DEAF1: variants seen among roughly 807,000 people sequenced by gnomAD.
DEAF1 encodes deformed epidermal autoregulatory factor 1 homolog.
Under a neutral mutation model 58.9 loss-of-function variants are expected in DEAF1, and 53 were observed. The ratio of observed to expected loss-of-function variants is 0.90; its 90% CI spans 0.72 to 1.13. The LOEUF (loss-of-function observed/expected upper bound fraction) is 1.13, where lower values mean the gene tolerates loss of function less well. Among genes scored for constraint, DEAF1 ranks in the 50% most tolerant of loss-of-function variants. DEAF1 has a pLI of 0.00. For synonymous variants in DEAF1, 385 were observed against 340.4 expected (o/e 1.13, Z -1.44); for missense variants, 685 against 791.4 (o/e 0.87, Z 1.61).
intron 6 of DEAF1, among the ~76,000 whole-genome samples, chr11:683,331 C>G (rs1860452881): frequency 6.6e-6 from 1 of 152,088 alleles, no homozygotes; most frequent in African/African-American, 2.4e-5. Context: ...ATCGATGACC[C>G]ATTTTGAATT....
Position 688,519 on chromosome 11 carries a change from G to A in DEAF1, c.388-59C>T. The A allele has an allele frequency of 6.2e-7, 1 of 1,608,016 alleles. No individual in the cohort carries two copies. The highest frequency in any genetic ancestry group is 8.5e-7 in the Non-Finnish European group (1 of 1,178,156). On this transcript the variant is annotated intron_variant, in intron 2 of 11. Transcript: ENST00000382409. This position sits in a 1 kb window ranked among gnomAD's most constrained non-coding sequence, Gnocchi z 4.3. Reference sequence around the variant, plus strand: ...CGAGAGTGACACCAGGCGTGTCACTGAGCCCAGCTGGGCCGTCCTCCAGCA... The same window carrying A: ...CGAGAGTGACACCAGGCGTGTCACTAAGCCCAGCTGGGCCGTCCTCCAGCA...
chr11:701,105 A>G, intron 1 of DEAF1: 1 of 234,404 alleles, frequency 4.3e-6, no homozygotes, highest in South Asian at 5.9e-5. Flanking sequence ...CCCAAAAGGC[A>G]GCAGAGTCTG....
chr11:669,225 TA>T (rs1859698143), intron 10 of DEAF1, among the ~76,000 whole-genome samples: 1 of 151,440 alleles, frequency 6.6e-6, no homozygotes, highest in African/African-American at 2.4e-5. Context: ...GTGCTGGGAT[TA>T]CAGGTGTGAG....
In DEAF1 at chr11:678,722, A is replaced by G; in HGVS notation, c.1227T>C (p.Ala409=). ...TTTTGGGATGTGACGTTGGCAACGC[A>G]GCTTCTGGAAACGGTGCGATCTGGC... ...DSCQIAPFPE[A]ALPTSHPKIV... The change falls in exon 9 of 12, where the codon GCT becomes GCC. Residue 409 remains alanine, a synonymous_variant. Coordinates refer to ENST00000382409, the MANE Select transcript of DEAF1 (RefSeq NM_021008.4). 1 of 1,614,224 alleles carries G rather than the reference A, an allele frequency of 6.2e-7. No individual in the cohort carries two copies. Among genetic ancestry groups the G allele is most frequent in the Admixed American group, 1.7e-5 (1 of 60,030 alleles).
At position 687,995 on chromosome 11, in the gene DEAF1, A is replaced by G; in HGVS notation, c.580T>C (p.Trp194Arg). 2 of 1,614,082 alleles carry G rather than the reference A, an allele frequency of 1.2e-6. No individual in the cohort carries two copies. Among genetic ancestry groups the G allele is most frequent in the Non-Finnish European group, 1.7e-6 (2 of 1,180,024 alleles). ...TCACTGTCGTACACAGAAGGGTCCCAGTTGTATTTAGTTCCACCTTTTTCT... is the reference window on the plus strand; with the variant it reads ...TCACTGTCGTACACAGAAGGGTCCCGGTTGTATTTAGTTCCACCTTTTTCT... ...GQEKGGTKYN[W>R]DPSVYDSELP... is the part of the protein sequence containing the mutation. Residue 194 changes from tryptophan to arginine, a missense_variant, in exon 4 of 12, where the codon TGG becomes CGG. Physicochemically the swap from Trp to Arg is moderately radical, Grantham distance 101 (BLOSUM62 -3). This residue lies in a region of DEAF1 where 132 missense variants were observed against 234.3 expected (regional missense o/e 0.56). Coordinates refer to ENST00000382409, the MANE Select transcript of DEAF1 (RefSeq NM_021008.4).
At position 674,747 on chromosome 11, in the gene DEAF1, G is replaced by A. The variant is rs373286290; in HGVS notation, c.1292C>T (p.Pro431Leu). Residue 431 changes from proline (P) to leucine (L), a missense_variant, in exon 10 of 12, where the codon CCG becomes CTG. By Grantham distance (98) the Pro-to-Leu change is moderately conservative (BLOSUM62 -3). Transcript: ENST00000382409. ...TSLPALAVPPPTPTKAAPPAL... is the reference protein window; with the variant it reads ...TSLPALAVPPLTPTKAAPPAL... ...GGGAGGTGCCGCTTTGGTGGGAGTC[G>A]GGGGTGGGACCGCCAGCGCAGGCAG... The A allele has an allele frequency of 1.9e-5, 30 of 1,613,140 alleles. No homozygotes were observed. Among genetic ancestry groups the A allele is most frequent in the African/African-American group, 5.3e-5 (4 of 74,940 alleles).
chr11:660,618 G>A (rs998034901), intron 10 of DEAF1, among the ~76,000 whole-genome samples: 1 of 152,254 alleles, frequency 6.6e-6, no homozygotes, highest in Non-Finnish European at 1.5e-5. Context: ...GGCTGCTCCC[G>A]AGTATCCCAA....
chr11:681,501 C>T lies in DEAF1; in HGVS notation c.871-412G>A, dbSNP rs1012003315. ...TCTGGGCTCACTGCAAGCTCTGCCT[C>T]CCGGGTTCATGCCATTCTCCTGCCT... On this transcript the variant is annotated intron_variant, in intron 6 of 11. Transcript: ENST00000382409. Among the ~76,000 whole-genome samples the T allele has an allele frequency of 9.2e-5, 14 of 151,812 alleles. No homozygotes were observed. The South Asian group carries it at 1.0e-3, about 11-fold the overall frequency.
intron 8 of DEAF1, 30 bp from the exon 9 acceptor site, chr11:678,852 C>CG: frequency 6.2e-7 from 1 of 1,612,290 alleles, no homozygotes. Flanking sequence ...CAGGGAGGCT[C>CG]GGGATGGTTG....
intron 1 of DEAF1, among the ~76,000 whole-genome samples, chr11:693,320 G>A (rs1300656487): frequency 6.6e-6 from 1 of 152,144 alleles, no homozygotes; most frequent in East Asian, 1.9e-4. Context: ...ACCCCTGAGA[G>A]TCACAAAGCC....
At chr11:654,073 CCAGT>C (rs1858925091) in intron 10 of DEAF1, 22 bp from the exon 11 acceptor site, 2 of 1,609,074 alleles carry the variant, frequency 1.2e-6, no homozygotes, top group African/African-American at 1.3e-5. Flanking sequence ...ACACAACAGG[CCAGT>C]CAGTGACGTG....
intron 10 of DEAF1, among the ~76,000 whole-genome samples, chr11:658,272 C>G (rs1457639953): frequency 1.3e-5 from 2 of 151,984 alleles, no homozygotes; most frequent in Non-Finnish European, 2.9e-5. Flanking sequence ...ACTAAAAATA[C>G]AAAAAAATTA....
intron 1 of DEAF1, chr11:700,993 G>T: frequency 2.1e-6 from 1 of 484,400 alleles, no homozygotes. Context: ...GAAAAGCCCA[G>T]CCCACCACCA....
chr11:687,614 C>T (rs1181943581), intron 4 of DEAF1, among the ~76,000 whole-genome samples: 5 of 152,210 alleles, frequency 3.3e-5, no homozygotes, highest in African/African-American at 1.2e-4. Context: ...CTCAGCCTCC[C>T]GAGTAGCTGG....
At chr11:652,770 A>G (rs1030040268) in intron 11 of DEAF1, among the ~76,000 whole-genome samples, 3 of 150,246 alleles carry the variant, frequency 2.0e-5, no homozygotes, top group Non-Finnish European at 3.0e-5. Flanking sequence ...TAAATATGAG[A>G]AAAAAAAACC....
Position 691,508 on chromosome 11 carries a change from T to C in DEAF1, c.380A>G (p.His127Arg), listed in dbSNP as rs757482202. Reference sequence around the variant, plus strand: ...CCCCTCGGAGCAGCTTACCAGAACATGTCCTGAGATGGATGCCGCGTTCGC... The same window carrying C: ...CCCCTCGGAGCAGCTTACCAGAACACGTCCTGAGATGGATGCCGCGTTCGC... ...SVANAASISG[H>R]VLSGRTALQI... is the part of the protein sequence containing the mutation. The change falls in exon 2 of 12, where the codon CAT becomes CGT. Residue 127 changes from histidine (H) to arginine (R), a missense_variant. Transcript: ENST00000382409. 1.2e-6 allele frequency: 2 copies of C among 1,612,748 alleles called. No homozygotes were observed. Among genetic ancestry groups the C allele is most frequent in the Non-Finnish European group, 1.7e-6 (2 of 1,179,986 alleles).
At chr11:703,181 G>A (rs748781792) in intron 1 of DEAF1, 1 of 1,577,876 alleles carries the variant, frequency 6.3e-7, no homozygotes, top group East Asian at 2.3e-5. Flanking sequence ...CCACACTGGG[G>A]CCCTCCTCCT....
intron 1 of DEAF1, chr11:703,446 G>A: frequency 7.8e-7 from 1 of 1,283,588 alleles, no homozygotes; most frequent in South Asian, 2.9e-5. Flanking sequence ...TCTGGCTTTA[G>A]CAGCCAGGCC....
At chr11:673,750 C>T (rs1306826732) in intron 10 of DEAF1, among the ~76,000 whole-genome samples, 3 of 152,146 alleles carry the variant, frequency 2.0e-5, no homozygotes, top group Admixed American at 1.3e-4. Flanking sequence ...CTCACCTTCT[C>T]GTCCCCGTGC....
Sources: gnomAD v4.1 joint callset for allele counts (sites outside exome capture counted in the v4.1 genomes callset) on GRCh38, gnomAD v4.1.1 for gene constraint, gnomAD v4.1.1 regional missense constraint, Gnocchi (gnomAD v3.1) non-coding constraint, MANE v1.5 for transcripts, NCBI Gene and HGNC (gene_info 2026-07-23, HGNC 2026-07-21) for gene names.